Variants in SCAMP1 observed in about 807,000 individuals in gnomAD.
SCAMP1 encodes the protein secretory carrier-associated membrane protein 1.
A neutral mutation model predicts 41.8 loss-of-function variants in SCAMP1; 15 were observed. The ratio of observed to expected loss-of-function variants is 0.36; its 90% confidence interval spans 0.24 to 0.55. The LOEUF (loss-of-function observed/expected upper bound fraction) is 0.55, where lower values mean the gene tolerates loss of function less well. Among genes scored for constraint, SCAMP1 ranks in the 20% least tolerant of loss-of-function variants. SCAMP1 has a pLI of 0.86. For synonymous variants in SCAMP1, 135 were observed against 136.8 expected (o/e 0.99, Z 0.09); for missense variants, 341 against 412.6 (o/e 0.83, Z 1.50).
rs1215167194 is a variant in SCAMP1, at chr5:78,479,245, A to AT, written c.*3578dup. On this transcript the variant is annotated 3_prime_UTR_variant, in exon 9 of 9. Coordinates refer to ENST00000621999, the MANE Select transcript of SCAMP1 (RefSeq NM_004866.6). ...ATGTTTAGAGGAATTTGTTCATTTC[A>AT]TGTGATTAAGCCCTTTAGAGATGAA... Among the ~76,000 whole-genome samples, 3 of 152,086 alleles carry AT rather than the reference A, an allele frequency of 2.0e-5. No individual in the cohort carries two copies. Among genetic ancestry groups the AT allele is most frequent in the Admixed American group, 6.5e-5 (1 of 15,276 alleles).
rs544063279 is a variant in SCAMP1 at position 78,388,590 on chromosome 5, ATG to A, written c.58-245_58-244del. Among the ~76,000 whole-genome samples, 138 of 152,296 alleles carry A rather than the reference ATG, an allele frequency of 9.1e-4. 1 individual carries two copies. Among genetic ancestry groups the A allele is most frequent in the Admixed American group, 1.8e-3 (28 of 15,308 alleles). On this transcript the variant is annotated intron_variant, in intron 1 of 8. Transcript: ENST00000621999. ...AAGAGGTGGTCTACTTTTTATCTTG[ATG>A]TAATAGCTTGCAGCTGATTTGAATC...
chr5:78,403,077 G>A (rs1188537102), intron 2 of SCAMP1, among the ~76,000 whole-genome samples: 2 of 152,212 alleles, frequency 1.3e-5, no homozygotes, highest in Admixed American at 1.3e-4. Flanking sequence ...CACCATGTTG[G>A]CCATGCTGGT....
chr5:78,404,452 G>A (rs1428900872), intron 2 of SCAMP1, among the ~76,000 whole-genome samples: 1 of 72,248 alleles, frequency 1.4e-5, no homozygotes, highest in Non-Finnish European at 2.3e-5. Context: ...CAGCCTTACA[G>A]GTTTTTTTTT....
intron 8 of SCAMP1, among the ~76,000 whole-genome samples, chr5:78,469,646 C>G (rs966460348): frequency 1.3e-5 from 2 of 151,738 alleles, no homozygotes; most frequent in African/African-American, 4.8e-5. Flanking sequence ...TAATGCTGTT[C>G]ATGTGGCACT....
chr5:78,419,880 G>A (rs1010523223), intron 5 of SCAMP1, among the ~76,000 whole-genome samples: 3 of 151,974 alleles, frequency 2.0e-5, no homozygotes, highest in African/African-American at 7.3e-5. Context: ...AGTATTTTTC[G>A]AGATATTCTT....
chr5:78,386,614 A>G (rs929218416), intron 1 of SCAMP1, among the ~76,000 whole-genome samples: 1 of 151,668 alleles, frequency 6.6e-6, no homozygotes, highest in African/African-American at 2.4e-5. Flanking sequence ...ATTTGTTTCA[A>G]TATTTAGAGC....
chr5:78,437,606 TCA>T lies in SCAMP1; in HGVS notation c.633-12326_633-12325del, dbSNP rs1752793290. Among the ~76,000 whole-genome samples, 13 of 152,344 alleles carry T rather than the reference TCA, an allele frequency of 8.5e-5. No individual in the cohort carries two copies. The South Asian group carries it at 2.7e-3, about 32-fold the overall frequency. ...TAAGCTTTTTGATGTGCTGCTGGAT[TCA>T]GTTTGTCAGTATGTTACTGAGGATT... On this transcript the variant is annotated intron_variant, in intron 6 of 8. Coordinates refer to ENST00000621999, the MANE Select transcript of SCAMP1 (RefSeq NM_004866.6).
chr5:78,474,571 C>T (rs1030807802), intron 8 of SCAMP1, among the ~76,000 whole-genome samples: 1 of 152,114 alleles, frequency 6.6e-6, no homozygotes, highest in African/African-American at 2.4e-5. Flanking sequence ...CTCACAGTTA[C>T]CAGTTCCTAT....
At chr5:78,430,140 CAGTATTTATT>C in intron 6 of SCAMP1, among the ~76,000 whole-genome samples, 1 of 48,394 alleles carries the variant, frequency 2.1e-5, no homozygotes, top group African/African-American at 7.4e-5. Flanking sequence ...TTTATAAATA[CAGTATTTATT>C]TATAAATACA....
chr5:78,385,845 A>G (rs1052944643), intron 1 of SCAMP1, among the ~76,000 whole-genome samples: 3 of 151,924 alleles, frequency 2.0e-5, no homozygotes, highest in Admixed American at 2.0e-4. Flanking sequence ...ATATTTGTTG[A>G]GACTTTTTTT....
intron 8 of SCAMP1, among the ~76,000 whole-genome samples, chr5:78,460,153 T>C (rs1753548036): frequency 6.6e-6 from 1 of 152,254 alleles, no homozygotes; most frequent in Non-Finnish European, 1.5e-5. Flanking sequence ...CAGTCTACTA[T>C]TGATGGACGC....
At chr5:78,390,967 G>A (rs1377909838) in intron 2 of SCAMP1, among the ~76,000 whole-genome samples, 1 of 149,752 alleles carries the variant, frequency 6.7e-6, no homozygotes, top group East Asian at 1.9e-4. Context: ...ACAGGGTTGG[G>A]GGTAAGGTCA....
At chr5:78,374,842 A>G (rs1221414087) in intron 1 of SCAMP1, among the ~76,000 whole-genome samples, 2 of 152,136 alleles carry the variant, frequency 1.3e-5, no homozygotes. Flanking sequence ...GACCCTTGCC[A>G]TGATATGAAT....
intron 2 of SCAMP1, among the ~76,000 whole-genome samples, chr5:78,413,338 G>A (rs6414977): frequency 0.95 from 144,638 of 151,988 alleles, 69,028 homozygotes; most frequent in Non-Finnish European, 0.97. Context: ...CTTAATTACT[G>A]TGGTTCTATA....
chr5:78,453,431 A>G (rs2112216056), intron 7 of SCAMP1, among the ~76,000 whole-genome samples: 1 of 152,002 alleles, frequency 6.6e-6, no homozygotes, highest in East Asian at 1.9e-4. Context: ...AGCACCATTT[A>G]TTAAACAGGG....
At chr5:78,450,274 T>C (rs961109926) in intron 7 of SCAMP1, among the ~76,000 whole-genome samples, 1 of 152,086 alleles carries the variant, frequency 6.6e-6, no homozygotes. Flanking sequence ...ATAAAACATG[T>C]ATGTAAGGGC....
At chr5:78,433,347 A>G (rs1752669046) in intron 6 of SCAMP1, among the ~76,000 whole-genome samples, 2 of 152,104 alleles carry the variant, frequency 1.3e-5, no homozygotes, top group Admixed American at 1.3e-4. Flanking sequence ...GTAGAGACTG[A>G]AATAAATAGG....
intron 7 of SCAMP1, among the ~76,000 whole-genome samples, chr5:78,458,824 G>C (rs530450871): frequency 6.6e-6 from 1 of 152,288 alleles, no homozygotes; most frequent in East Asian, 1.9e-4. Flanking sequence ...AGATTACAAT[G>C]AGCCGAGATC....
At chr5:78,411,096 A>C (rs1330186848) in intron 2 of SCAMP1, among the ~76,000 whole-genome samples, 1 of 151,710 alleles carries the variant, frequency 6.6e-6, no homozygotes, top group African/African-American at 2.4e-5. Context: ...TTTTCTGTTC[A>C]CTCTGCTGAT....
Sources: gnomAD v4.1 joint callset for allele counts (sites outside exome capture counted in the v4.1 genomes callset) on GRCh38, gnomAD v4.1.1 for gene constraint, MANE v1.5 for transcripts, NCBI Gene and HGNC (gene_info 2026-07-23, HGNC 2026-07-21) for gene names.